The following SH3GL3 variants were observed in gnomAD, a reference collection of about 807,000 sequenced individuals.
The protein encoded by SH3GL3 is endophilin-A3.
In SH3GL3, 33 loss-of-function variants were observed where a neutral mutation model predicts 47.7. The ratio of observed to expected loss-of-function variants is 0.69; its 90% CI spans 0.52 to 0.92. The LOEUF (loss-of-function observed/expected upper bound fraction) is 0.92, where lower values mean the gene tolerates loss of function less well. Ranked by LOEUF, SH3GL3 falls within the 40% of genes least tolerant of loss-of-function variation. SH3GL3 has a pLI of 0.00. For synonymous variants in SH3GL3, 155 were observed against 148.8 expected, an observed-to-expected ratio of 1.04 and a Z score of -0.30; for missense variants, 363 against 417.8, an observed-to-expected ratio of 0.87 and a Z score of 1.14.
chr15:83,587,852 G>T (rs955103645), intron 7 of SH3GL3, among the ~76,000 whole-genome samples: 4 of 152,132 alleles, frequency 2.6e-5, no homozygotes, highest in African/African-American at 9.7e-5. Flanking sequence ...ACAGGATTAT[G>T]GTAATGCATA....
intron 8 of SH3GL3, among the ~76,000 whole-genome samples, chr15:83,614,422 C>T (rs8029951): frequency 0.043 from 6,548 of 152,226 alleles, 471 homozygotes; most frequent in African/African-American, 0.15. Flanking sequence ...TTCAAAGTCA[C>T]GACCCAGTAC....
At chr15:83,532,168 A>G (rs192093187) in intron 1 of SH3GL3, among the ~76,000 whole-genome samples, 1 of 152,340 alleles carries the variant, frequency 6.6e-6, no homozygotes, top group African/African-American at 2.4e-5. Context: ...AAGTAGAATG[A>G]TGAGTTTGTA....
chr15:83,497,228 C>T (rs1416527022), intron 1 of SH3GL3, among the ~76,000 whole-genome samples: 1 of 152,124 alleles, frequency 6.6e-6, no homozygotes, highest in African/African-American at 2.4e-5. Context: ...CGTTACAGCC[C>T]CAAGACCCCG....
At chr15:83,552,033 T>C (rs1385417390) in intron 1 of SH3GL3, among the ~76,000 whole-genome samples, 1 of 152,214 alleles carries the variant, frequency 6.6e-6, no homozygotes, top group Non-Finnish European at 1.5e-5. Context: ...TTTATATAAT[T>C]GCTTCCTTCC....
chr15:83,627,855 C>G, the SH3GL3 span, among the ~76,000 whole-genome samples: 1 of 152,152 alleles, frequency 6.6e-6, no homozygotes, highest in African/African-American at 2.4e-5. Context: ...TTGAAACAAA[C>G]TGAGGCATAA....
chr15:83,476,027 G>A (rs1428859956), intron 1 of SH3GL3, among the ~76,000 whole-genome samples: 1 of 152,070 alleles, frequency 6.6e-6, no homozygotes, highest in Admixed American at 6.5e-5. Flanking sequence ...CAGATGTGGT[G>A]GATGCTATAC....
intron 1 of SH3GL3, among the ~76,000 whole-genome samples, chr15:83,464,410 G>A (rs2040465553): frequency 6.6e-6 from 1 of 152,096 alleles, no homozygotes. Context: ...CTCAGCTGCA[G>A]ATTTACACAA....
At chr15:83,617,886 G>A (rs1360214779) in intron 8 of SH3GL3, among the ~76,000 whole-genome samples, 196 bp from the exon 9 acceptor site, 1 of 152,100 alleles carries the variant, frequency 6.6e-6, no homozygotes, top group Non-Finnish European at 1.5e-5. Context: ...TGGGCTCATG[G>A]GGTTGGCGCA....
chr15:83,568,533 C>A lies in SH3GL3; in HGVS notation c.192C>A (p.Tyr64Ter). 1.2e-6 allele frequency: 2 copies of A among 1,612,186 alleles called. No homozygotes were observed. The highest frequency in any genetic ancestry group is 1.7e-6 in the Non-Finnish European group (2 of 1,178,488). Residue 64 changes from tyrosine (Y) to a stop codon, truncating the protein, a stop_gained, in exon 4 of 9, where the codon TAC (tyrosine) becomes TAA (stop). Transcript: ENST00000427482. LOFTEE classifies it high-confidence loss of function. ...ACAAATGACAATGTTTTTAAGCATA[C>A]AGAGCTAAGCTAGGAATGCTGAACA... ...TTEYLQPNPA[Y>*]RAKLGMLNTV...
chr15:83,621,339 T>A (rs1364652006), downstream of SH3GL3, among the ~76,000 whole-genome samples: 1 of 152,236 alleles, frequency 6.6e-6, no homozygotes, highest in Non-Finnish European at 1.5e-5. Context: ...CCTGTGACTC[T>A]TCTTTCACTT....
intron 1 of SH3GL3, among the ~76,000 whole-genome samples, chr15:83,525,427 T>G (rs1393869307): frequency 1.3e-5 from 2 of 151,870 alleles, no homozygotes; most frequent in African/African-American, 4.8e-5. Context: ...ATTAGTTTCT[T>G]GTTAGATGAA....
intron 8 of SH3GL3, among the ~76,000 whole-genome samples, chr15:83,603,003 G>T (rs2060426178): frequency 6.6e-6 from 1 of 151,886 alleles, no homozygotes; most frequent in African/African-American, 2.4e-5. Context: ...TTCACAACTT[G>T]ATTTCCTTTT....
chr15:83,559,348 A>C (rs1186080751), intron 2 of SH3GL3, 27 bp downstream of exon 2: 2 of 1,212,586 alleles, frequency 1.6e-6, no homozygotes, highest in East Asian at 4.6e-5. Context: ...ATGTAAATTG[A>C]TTAGAAACTG....
chr15:83,623,273 C>A (rs1863451), downstream of SH3GL3, among the ~76,000 whole-genome samples: 111,209 of 152,138 alleles, frequency 0.73, 41,499 homozygotes, highest in African/African-American at 0.88. Context: ...GTGACTTAAC[C>A]TATAATACAT....
At chr15:83,610,937 A>C (rs566505701) in intron 8 of SH3GL3, among the ~76,000 whole-genome samples, 38 of 152,048 alleles carry the variant, frequency 2.5e-4, no homozygotes, top group Non-Finnish European at 5.3e-4. Flanking sequence ...GCATTTCTGC[A>C]TATGCAAGTA....
chr15:83,578,974 A>G (rs1238714785), intron 6 of SH3GL3, among the ~76,000 whole-genome samples: 1 of 152,132 alleles, frequency 6.6e-6, no homozygotes, highest in Non-Finnish European at 1.5e-5. Context: ...CACTGCCTTC[A>G]TGCGGGAACC....
intron 1 of SH3GL3, among the ~76,000 whole-genome samples, chr15:83,505,474 G>C (rs2042459011): frequency 6.7e-6 from 1 of 149,882 alleles, no homozygotes; most frequent in South Asian, 2.1e-4. Flanking sequence ...TTCCCTGGGA[G>C]TCAAGAGGTT....
chr15:83,550,344 T>C (rs1385680942), intron 1 of SH3GL3, among the ~76,000 whole-genome samples: 18 of 152,312 alleles, frequency 1.2e-4, no homozygotes, highest in Admixed American at 1.1e-3. Flanking sequence ...TGCCACATCT[T>C]ACATATATGT....
At chr15:83,469,965 G>C (rs971334744) in intron 1 of SH3GL3, among the ~76,000 whole-genome samples, 14 of 151,968 alleles carry the variant, frequency 9.2e-5, no homozygotes, top group African/African-American at 3.4e-4. Context: ...TACCAGTTTT[G>C]CTTTACATAA....
Sources: gnomAD v4.1 joint callset for allele counts (sites outside exome capture counted in the v4.1 genomes callset) on GRCh38, gnomAD v4.1.1 for gene constraint, MANE v1.5 for transcripts, NCBI Gene and HGNC (gene_info 2026-07-23, HGNC 2026-07-21) for gene names.